Variants in NPLOC4 observed in about 807,000 individuals in gnomAD.
NPLOC4 encodes the protein nuclear protein localization protein 4 homolog.
NPLOC4 carries 18 observed loss-of-function variants against 80.6 expected under a neutral mutation model. That is an observed-to-expected ratio of 0.22 (90% CI 0.15 to 0.33). The LOEUF (loss-of-function observed/expected upper bound fraction) is 0.33, where lower values mean the gene tolerates loss of function less well. NPLOC4 is among the 10% of genes least tolerant of loss of function. The pLI is 1.00. For missense variants in NPLOC4, 540 were observed against 786.1 expected, an observed-to-expected ratio of 0.69 and a Z score of 3.74; for synonymous variants, 313 against 301.5, an observed-to-expected ratio of 1.04 and a Z score of -0.39.
chr17:81,568,915 G>A (rs1218857817), intron 14 of NPLOC4, 101 bp downstream of exon 14: 9 of 798,696 alleles, frequency 1.1e-5, no homozygotes, highest in South Asian at 3.2e-5. Flanking sequence ...AGAATGAATC[G>A]GGAGCATTTG....
intron 4 of NPLOC4, 176 bp downstream of exon 4, chr17:81,613,142 A>C (rs1281499302): frequency 5.5e-6 from 3 of 548,972 alleles, no homozygotes; most frequent in Non-Finnish European, 8.6e-6. Context: ...AAAAAAAACA[A>C]AAACCGATAA....
At chr17:81,559,607 C>T (rs2033779549) in intron 16 of NPLOC4, among the ~76,000 whole-genome samples, 191 bp from the exon 17 acceptor site, 1 of 152,194 alleles carries the variant, frequency 6.6e-6, no homozygotes, top group Non-Finnish European at 1.5e-5. Flanking sequence ...AGAAAAATGC[C>T]TCCTGCACCA....
chr17:81,604,986 C>G (rs564891848), intron 7 of NPLOC4, among the ~76,000 whole-genome samples: 20 of 152,090 alleles, frequency 1.3e-4, no homozygotes, highest in Non-Finnish European at 2.2e-4. Flanking sequence ...CTGGGCTGGG[C>G]GCAGTGGCTC....
intron 4 of NPLOC4, among the ~76,000 whole-genome samples, chr17:81,611,381 A>T (rs2035335022): frequency 6.6e-6 from 1 of 150,674 alleles, no homozygotes; most frequent in South Asian, 2.1e-4. Context: ...ACGGAGTTTC[A>T]CTCTGTCACC....
intron 12 of NPLOC4, among the ~76,000 whole-genome samples, chr17:81,587,517 G>C (rs1276445259): frequency 6.7e-6 from 1 of 149,282 alleles, no homozygotes; most frequent in Admixed American, 6.7e-5. Context: ...GGGTTTCACC[G>C]TGTTAGCCAG....
chr17:81,634,013 G>A (rs944005252), intron 1 of NPLOC4, among the ~76,000 whole-genome samples: 1 of 151,420 alleles, frequency 6.6e-6, no homozygotes, highest in Non-Finnish European at 1.5e-5. Context: ...ACAGGTGCAC[G>A]CCACCACGCC....
At chr17:81,610,312 G>C in intron 4 of NPLOC4, 54 bp from the exon 5 acceptor site, 3 of 1,504,832 alleles carry the variant, frequency 2.0e-6, no homozygotes, top group Non-Finnish European at 2.7e-6. Context: ...TCTGTGTTCC[G>C]CTGCTGCTGT....
intron 7 of NPLOC4, among the ~76,000 whole-genome samples, 178 bp downstream of exon 7, chr17:81,606,513 A>C (rs184040828): frequency 3.5e-4 from 54 of 152,308 alleles, no homozygotes; most frequent in African/African-American, 1.2e-3. Flanking sequence ...CAAGAGCAAG[A>C]AGCCTTAAAA....
intron 11 of NPLOC4, 140 bp from the exon 12 acceptor site, chr17:81,589,244 T>C (rs2046989315): frequency 1.4e-6 from 1 of 718,026 alleles, no homozygotes; most frequent in Non-Finnish European, 2.2e-6. Flanking sequence ...AAATGTTCAG[T>C]AGTCGGCCGG....
chr17:81,618,551 C>G, intron 3 of NPLOC4, among the ~76,000 whole-genome samples: 1 of 78,950 alleles, frequency 1.3e-5, no homozygotes, highest in Non-Finnish European at 2.4e-5. Flanking sequence ...TCAGTGCCCC[C>G]GCCCGGCCAG....
chr17:81,609,163 G>A (rs550888613), intron 5 of NPLOC4, among the ~76,000 whole-genome samples: 1 of 152,298 alleles, frequency 6.6e-6, no homozygotes, highest in East Asian at 1.9e-4. Context: ...AGGACTACAG[G>A]TGCACGCCAC....
intron 13 of NPLOC4, among the ~76,000 whole-genome samples, chr17:81,569,366 C>T (rs2034096847): frequency 6.6e-6 from 1 of 152,216 alleles, no homozygotes; most frequent in Admixed American, 6.5e-5. Context: ...GCCTCGACGT[C>T]GGACAAAAAG....
chr17:81,594,867 G>A (rs1231870202), intron 11 of NPLOC4, among the ~76,000 whole-genome samples: 1 of 151,738 alleles, frequency 6.6e-6, no homozygotes, highest in Non-Finnish European at 1.5e-5. Flanking sequence ...GATCACATGA[G>A]CCCAGGAGTC....
chr17:81,615,947 G>A (rs1354150017), intron 3 of NPLOC4, among the ~76,000 whole-genome samples: 1 of 152,180 alleles, frequency 6.6e-6, no homozygotes, highest in Non-Finnish European at 1.5e-5. Flanking sequence ...CCCAAAGACA[G>A]AAATTAACTC....
At chr17:81,605,259 C>T (rs1009106948) in intron 7 of NPLOC4, among the ~76,000 whole-genome samples, 11 of 144,750 alleles carry the variant, frequency 7.6e-5, no homozygotes, top group East Asian at 4.0e-4. Flanking sequence ...CCAGCCTGGG[C>T]GACAGAGCAA....
intron 15 of NPLOC4, among the ~76,000 whole-genome samples, chr17:81,565,989 TC>T (rs1204735801): frequency 6.6e-6 from 1 of 152,094 alleles, no homozygotes; most frequent in East Asian, 1.9e-4. Flanking sequence ...TCCTCTCGTG[TC>T]TGGAAAAATG....
intron 11 of NPLOC4, among the ~76,000 whole-genome samples, chr17:81,595,534 A>ATTT (rs113450373): frequency 1.4e-5 from 2 of 139,658 alleles, no homozygotes; most frequent in African/African-American, 5.3e-5. Flanking sequence ...ATATATATAT[A>ATTT]TTTTTTTTTT....
At chr17:81,634,032 T>A (rs939696474) in intron 1 of NPLOC4, among the ~76,000 whole-genome samples, 1 of 150,916 alleles carries the variant, frequency 6.6e-6, no homozygotes, top group East Asian at 2.0e-4. Flanking sequence ...CCCGGTTAAT[T>A]TTTTGTATTT....
At position 81,587,857 on chromosome 17, in the gene NPLOC4, A is replaced by G. The variant is rs1411764696; in HGVS notation, c.1281+1087T>C. Among the ~76,000 whole-genome samples, 5 of 146,896 alleles carry G rather than the reference A, an allele frequency of 3.4e-5. No individual in the cohort carries two copies. In the East Asian group the frequency reaches 6.0e-4, roughly 18 times the overall value. ...CTTATTTTTTGTATTTTTTTTTTTTAGTAGAGACGGGGTTTCACCGTGTTA... is the reference window on the plus strand; with the variant it reads ...CTTATTTTTTGTATTTTTTTTTTTTGGTAGAGACGGGGTTTCACCGTGTTA... On this transcript the variant is annotated intron_variant, in intron 12 of 16. Transcript: ENST00000331134.
Sources: allele counts gnomAD v4.1 joint callset (sites outside exome capture counted in the v4.1 genomes callset), GRCh38; gene constraint gnomAD v4.1.1; transcripts MANE v1.5; gene names NCBI Gene and HGNC (gene_info 2026-07-23, HGNC 2026-07-21).